The following FNDC3A variants were observed in gnomAD, a reference collection of about 807,000 sequenced individuals.
FNDC3A encodes the protein fibronectin type-III domain-containing protein 3A.
In FNDC3A, 32 loss-of-function variants were observed where a neutral mutation model predicts 148.9. That is an observed-to-expected ratio of 0.21 (90% CI 0.16 to 0.29). The LOEUF is 0.29. FNDC3A is among the 10% of genes least tolerant of loss of function. The pLI is 1.00. For synonymous variants in FNDC3A, 472 were observed against 473.6 expected, an observed-to-expected ratio of 1.00 and a Z score of 0.04; for missense variants, 1,191 against 1,452.8, an observed-to-expected ratio of 0.82 and a Z score of 2.93.
intron 1 of FNDC3A, among the ~76,000 whole-genome samples, chr13:48,994,884 G>A (rs535965306): frequency 3.8e-4 from 58 of 152,290 alleles, no homozygotes; most frequent in African/African-American, 1.3e-3. Flanking sequence ...GACTGGTCAT[G>A]AGTTGAAGCT....
chr13:49,171,647 C>T (rs1329397042), intron 10 of FNDC3A, among the ~76,000 whole-genome samples: 2 of 152,166 alleles, frequency 1.3e-5, no homozygotes, highest in Non-Finnish European at 2.9e-5. Context: ...CCTGGTTCTT[C>T]ACTCTTTGGT....
Position 49,145,954 on chromosome 13 carries a change from G to C in FNDC3A, c.977+19G>C. The C allele has an allele frequency of 1.3e-6, 2 of 1,580,822 alleles. No homozygotes were observed. The highest frequency in any genetic ancestry group is 8.6e-7 in the Non-Finnish European group (1 of 1,161,126). ...TATATGTGTAGGTATTTGTTGTTTT[G>C]CTTTCTCCCATTGTGTAAATTAATG... On this transcript the variant is annotated intron_variant, in intron 8 of 25. Coordinates refer to ENST00000492622, the MANE Select transcript of FNDC3A (RefSeq NM_001079673.2).
chr13:49,158,798 A>G (rs1026948012), intron 8 of FNDC3A, among the ~76,000 whole-genome samples: 3 of 152,160 alleles, frequency 2.0e-5, no homozygotes, highest in African/African-American at 7.2e-5. Context: ...ATTTTTGTAT[A>G]AGGTGTAAGG....
chr13:48,981,009 T>C (rs1242453412), intron 1 of FNDC3A, among the ~76,000 whole-genome samples: 2 of 152,182 alleles, frequency 1.3e-5, no homozygotes, highest in African/African-American at 2.4e-5. Context: ...TGTACTTTAA[T>C]TTATTATTAG....
intron 2 of FNDC3A, among the ~76,000 whole-genome samples, chr13:49,023,039 G>C (rs1248631857): frequency 1.3e-5 from 2 of 151,908 alleles, no homozygotes; most frequent in African/African-American, 2.4e-5. Flanking sequence ...CACATATTCA[G>C]GTTCTGTCTG....
At chr13:49,088,136 T>C (rs1412909188) in intron 3 of FNDC3A, among the ~76,000 whole-genome samples, 5 of 152,164 alleles carry the variant, frequency 3.3e-5, no homozygotes, top group Non-Finnish European at 7.4e-5. Context: ...CTAACCATTT[T>C]TAACCTTTTA....
At chr13:49,010,318 A>G (rs908163226) in intron 2 of FNDC3A, among the ~76,000 whole-genome samples, 4 of 152,128 alleles carry the variant, frequency 2.6e-5, no homozygotes, top group Admixed American at 1.3e-4. Flanking sequence ...TAAAAGTTAG[A>G]TAAGGTGGTT....
chr13:49,148,689 T>A (rs113780620), intron 8 of FNDC3A, among the ~76,000 whole-genome samples: 1 of 152,204 alleles, frequency 6.6e-6, no homozygotes, highest in Admixed American at 6.5e-5. Context: ...CTATTCAGGC[T>A]ATTTTTTGGT....
At chr13:49,044,344 T>C (rs564415907) in intron 2 of FNDC3A, 4 of 156,096 alleles carry the variant, frequency 2.6e-5, no homozygotes, top group African/African-American at 9.6e-5. Flanking sequence ...TTCCAAAGTG[T>C]TGCTCCAGAG....
At chr13:49,205,880 G>C (rs1593755876) in intron 25 of FNDC3A, among the ~76,000 whole-genome samples, 1 of 152,156 alleles carries the variant, frequency 6.6e-6, no homozygotes, top group East Asian at 1.9e-4. Context: ...CTAGATTCTG[G>C]AGACAGAAAA....
At chr13:49,062,665 A>G (rs1211907675) in intron 2 of FNDC3A, among the ~76,000 whole-genome samples, 2 of 152,104 alleles carry the variant, frequency 1.3e-5, no homozygotes, top group African/African-American at 2.4e-5. Context: ...CATTTCTTGC[A>G]GGAATCTTCC....
chr13:49,126,573 A>T (rs1881714127), intron 4 of FNDC3A, among the ~76,000 whole-genome samples: 1 of 152,170 alleles, frequency 6.6e-6, no homozygotes, highest in African/African-American at 2.4e-5. Context: ...ATCTTGTCGT[A>T]AACAACAACA....
At position 49,190,443 on chromosome 13, in the gene FNDC3A, A is replaced by C. The variant is rs76112961; in HGVS notation, c.1945-572A>C. 7.6e-3 allele frequency among the ~76,000 whole-genome samples: 1,157 copies of C among 152,274 alleles called. 11 individuals are homozygous for C. Among genetic ancestry groups the C allele is most frequent in the Non-Finnish European group, 0.014 (942 of 68,018 alleles). On this transcript the variant is annotated intron_variant, in intron 17 of 25. Transcript: ENST00000492622. Reference sequence around the variant, plus strand: ...GACGTGGGAGGATTGCTTGAGCCTAAGAATTTGAGGCTGTAATCATACCTG... The same window carrying C: ...GACGTGGGAGGATTGCTTGAGCCTACGAATTTGAGGCTGTAATCATACCTG...
At chr13:49,126,170 C>T (rs1389986730) in intron 4 of FNDC3A, among the ~76,000 whole-genome samples, 1 of 151,760 alleles carries the variant, frequency 6.6e-6, no homozygotes, top group Admixed American at 6.6e-5. Context: ...TCTGAAGTTA[C>T]TGGCTGCTTG....
intron 2 of FNDC3A, among the ~76,000 whole-genome samples, chr13:49,038,038 G>A (rs1019654910): frequency 1.3e-5 from 2 of 152,152 alleles, no homozygotes; most frequent in African/African-American, 4.8e-5. Context: ...AGCTGGAAGG[G>A]GACCAAGTGG....
chr13:49,070,983 T>A (rs1434431995), intron 2 of FNDC3A, among the ~76,000 whole-genome samples: 2 of 150,114 alleles, frequency 1.3e-5, no homozygotes, highest in African/African-American at 4.9e-5. Flanking sequence ...ACTACAGTCT[T>A]GACCTCCTGA....
intron 1 of FNDC3A, among the ~76,000 whole-genome samples, chr13:48,985,325 T>C (rs539400189): frequency 6.6e-6 from 1 of 152,326 alleles, no homozygotes; most frequent in South Asian, 2.1e-4. Context: ...TTCATCTTTT[T>C]AGGAGAAAAG....
chr13:49,105,755 C>T (rs1880135638), intron 3 of FNDC3A, among the ~76,000 whole-genome samples: 2 of 152,070 alleles, frequency 1.3e-5, no homozygotes, highest in South Asian at 4.1e-4. Context: ...TAAGCATTTC[C>T]ACTGCCCATA....
intron 3 of FNDC3A, among the ~76,000 whole-genome samples, chr13:49,103,518 T>A (rs931377027): frequency 6.6e-6 from 1 of 152,186 alleles, no homozygotes; most frequent in Non-Finnish European, 1.5e-5. Flanking sequence ...ACAATGAAAT[T>A]TGTTTTTTAG....
Sources: gnomAD v4.1 joint callset for allele counts (sites outside exome capture counted in the v4.1 genomes callset) on GRCh38, gnomAD v4.1.1 for gene constraint, MANE v1.5 for transcripts, NCBI Gene and HGNC (gene_info 2026-07-23, HGNC 2026-07-21) for gene names.